The following CDK8 variants were observed in gnomAD, a reference collection of about 807,000 sequenced individuals.
The protein encoded by CDK8 is cyclin dependent kinase 8, also known as cyclin-dependent kinase 8.
A neutral mutation model predicts 71.5 loss-of-function variants in CDK8; 29 were observed. The observed-to-expected ratio is 0.41, with a 90% CI of 0.30 to 0.55. The LOEUF is 0.55. CDK8 is among the 20% of genes least tolerant of loss of function. CDK8 has a pLI of 0.37. For synonymous variants in CDK8, 161 were observed against 192.1 expected, an observed-to-expected ratio of 0.84 and a Z score of 1.34; for missense variants, 288 against 572.6, an observed-to-expected ratio of 0.50 and a Z score of 5.07.
intron 4 of CDK8, among the ~76,000 whole-genome samples, chr13:26,368,653 GC>G (rs1373335787): frequency 6.6e-6 from 1 of 152,110 alleles, no homozygotes; most frequent in African/African-American, 2.4e-5. Flanking sequence ...TAATACAGTG[GC>G]AAATATAATA....
At chr13:26,340,346 C>T (rs1015610282) in intron 2 of CDK8, among the ~76,000 whole-genome samples, 1 of 151,882 alleles carries the variant, frequency 6.6e-6, no homozygotes, top group South Asian at 2.1e-4. Context: ...GAAAAGAGAC[C>T]TTGTATTTTA....
At chr13:26,280,854 C>T (rs981310946) in intron 1 of CDK8, among the ~76,000 whole-genome samples, 3 of 152,326 alleles carry the variant, frequency 2.0e-5, no homozygotes, top group South Asian at 2.1e-4. Context: ...ATGGACAGAA[C>T]AGCATGTGGA....
intron 1 of CDK8, among the ~76,000 whole-genome samples, chr13:26,332,686 T>G (rs900230566): frequency 6.6e-6 from 1 of 152,182 alleles, no homozygotes; most frequent in African/African-American, 2.4e-5. Context: ...CAGCTTTTCC[T>G]CATTCGTATG....
chr13:26,389,245 C>T (rs936448567), intron 6 of CDK8, among the ~76,000 whole-genome samples: 3 of 152,114 alleles, frequency 2.0e-5, no homozygotes, highest in African/African-American at 4.8e-5. Flanking sequence ...TCACTGCAAC[C>T]TCCGCTTCCC....
chr13:26,264,568 A>G (rs1483481539), intron 1 of CDK8, among the ~76,000 whole-genome samples: 1 of 152,240 alleles, frequency 6.6e-6, no homozygotes, highest in Non-Finnish European at 1.5e-5. Flanking sequence ...TCTTAGATGT[A>G]TATATGCATA....
rs554905902 is a variant in CDK8 at position 26,355,042 on chromosome 13, A to G, written c.456+1162A>G. On this transcript the variant is annotated intron_variant, in intron 4 of 12. Coordinates refer to ENST00000381527, the MANE Select transcript of CDK8 (RefSeq NM_001260.3). ...ATACAAAGGAAATATCCTGTAGGCT[A>G]TGAGGCGGAGCCCATCTGGTCTCTC... Among the ~76,000 whole-genome samples the G allele has an allele frequency of 2.1e-4, 32 of 152,342 alleles. No homozygotes were observed. In the South Asian group the frequency reaches 6.4e-3, roughly 31 times the overall value.
At chr13:26,344,002 A>G (rs1447330932) in intron 2 of CDK8, among the ~76,000 whole-genome samples, 1 of 152,054 alleles carries the variant, frequency 6.6e-6, no homozygotes, top group Middle Eastern at 3.2e-3. Flanking sequence ...TCACCCAGAT[A>G]AGGAGCATAG....
intron 1 of CDK8, among the ~76,000 whole-genome samples, chr13:26,313,073 T>C (rs1874361427): frequency 6.6e-6 from 1 of 152,188 alleles, no homozygotes; most frequent in Non-Finnish European, 1.5e-5. Context: ...TTCCATCCAG[T>C]TAACTCCCAG....
chr13:26,313,288 A>C (rs1456676139), intron 1 of CDK8, among the ~76,000 whole-genome samples: 1 of 152,212 alleles, frequency 6.6e-6, no homozygotes, highest in Non-Finnish European at 1.5e-5. Context: ...AGAATGAAAA[A>C]GAGGCCTACT....
chr13:26,285,175 T>TGAGC (rs1872948016), intron 1 of CDK8, among the ~76,000 whole-genome samples: 1 of 151,870 alleles, frequency 6.6e-6, no homozygotes, highest in Non-Finnish European at 1.5e-5. Flanking sequence ...AGAGGTCGAG[T>TGAGC]GAGCTGAGAT....
At chr13:26,373,812 C>T (rs1418030683) in intron 4 of CDK8, among the ~76,000 whole-genome samples, 2 of 151,708 alleles carry the variant, frequency 1.3e-5, no homozygotes, top group African/African-American at 4.8e-5. Flanking sequence ...ATTAACTTTC[C>T]TGCAAAAGCA....
chr13:26,322,910 T>C (rs1874845855), intron 1 of CDK8, among the ~76,000 whole-genome samples: 1 of 152,206 alleles, frequency 6.6e-6, no homozygotes, highest in Non-Finnish European at 1.5e-5. Flanking sequence ...CAAATTTGGC[T>C]CTCCTCTCAC....
chr13:26,386,530 A>T (rs1354638934), intron 6 of CDK8, among the ~76,000 whole-genome samples: 1 of 151,902 alleles, frequency 6.6e-6, no homozygotes, highest in Non-Finnish European at 1.5e-5. Flanking sequence ...CTACCACTTC[A>T]TCCTGCCTTT....
intron 1 of CDK8, among the ~76,000 whole-genome samples, chr13:26,286,908 T>C (rs529536410): frequency 9.9e-5 from 15 of 152,142 alleles, no homozygotes; most frequent in Admixed American, 7.9e-4. Context: ...AAATGCTCAA[T>C]ATCACTAATT....
At chr13:26,394,117 A>T (rs771690589) in intron 7 of CDK8, among the ~76,000 whole-genome samples, 6 of 152,136 alleles carry the variant, frequency 3.9e-5, no homozygotes, top group Non-Finnish European at 8.8e-5. Context: ...CTGTATCTCA[A>T]TCCCTAGTTA....
intron 1 of CDK8, among the ~76,000 whole-genome samples, chr13:26,257,921 T>A (rs8000378): frequency 0.012 from 1,468 of 120,384 alleles, 23 homozygotes; most frequent in African/African-American, 0.046. Flanking sequence ...TGTGTGTGTG[T>A]GAGAGAGAGA....
At chr13:26,287,908 TTACCC>T (rs1873098047) in intron 1 of CDK8, among the ~76,000 whole-genome samples, 1 of 152,342 alleles carries the variant, frequency 6.6e-6, no homozygotes, top group South Asian at 2.1e-4. Context: ...ACTTGTGTTT[TTACCC>T]CTGTAGTGTT....
At chr13:26,382,066 C>G (rs1875255364) in intron 4 of CDK8, among the ~76,000 whole-genome samples, 1 of 152,112 alleles carries the variant, frequency 6.6e-6, no homozygotes, top group Non-Finnish European at 1.5e-5. Flanking sequence ...CCCCTCTCTG[C>G]TTTCTCTCCC....
intron 1 of CDK8, among the ~76,000 whole-genome samples, chr13:26,255,857 TC>T (rs897302662): frequency 6.6e-6 from 1 of 152,320 alleles, no homozygotes; most frequent in Middle Eastern, 3.4e-3. Context: ...GAGAGTATGT[TC>T]AGACTACATT....
Sources: allele counts gnomAD v4.1 joint callset (sites outside exome capture counted in the v4.1 genomes callset), GRCh38; gene constraint gnomAD v4.1.1; transcripts MANE v1.5; gene names NCBI Gene and HGNC (gene_info 2026-07-23, HGNC 2026-07-21).